MESD: variants seen among roughly 807,000 people sequenced by gnomAD.
MESD encodes the protein mesoderm development LRP chaperone, also known as LRP chaperone MESD.
A neutral mutation model predicts 12.9 loss-of-function variants in MESD; 7 were observed. That is an observed-to-expected ratio of 0.54 (90% CI 0.31 to 1.02). MESD has a LOEUF of 1.02. Ranked by LOEUF, MESD falls within the 50% of genes least tolerant of loss-of-function variation. The pLI is 0.05. For synonymous variants in MESD, 126 were observed against 115.6 expected, an observed-to-expected ratio of 1.09 and a Z score of -0.58; for missense variants, 342 against 296.7, an observed-to-expected ratio of 1.15 and a Z score of -1.12.
chr15:80,954,853 A>G (rs1251397452), intron 3 of MESD, among the ~76,000 whole-genome samples: 3 of 152,218 alleles, frequency 2.0e-5, no homozygotes, highest in African/African-American at 4.8e-5. Context: ...GCATTTTTTT[A>G]AAGCTCATCA....
intron 3 of MESD, among the ~76,000 whole-genome samples, chr15:80,964,302 C>CCA (rs1465165165): frequency 6.6e-6 from 1 of 152,138 alleles, no homozygotes; most frequent in Non-Finnish European, 1.5e-5. Flanking sequence ...GAACTACAAA[C>CCA]CACTGCTCAA....
At chr15:80,981,138 A>G (rs1268587719) in intron 2 of MESD, among the ~76,000 whole-genome samples, 1 of 151,730 alleles carries the variant, frequency 6.6e-6, no homozygotes, top group Non-Finnish European at 1.5e-5. Context: ...TCTTCTTTAC[A>G]TTAAAAAAAT....
At chr15:80,950,132 G>A (rs1901755619) in intron 4 of MESD, 1 of 152,260 alleles carries the variant, frequency 6.6e-6, no homozygotes, top group African/African-American at 2.4e-5. Context: ...TGAGCACAGG[G>A]GGCCTCCAGG....
chr15:80,961,161 A>C (rs73507429), intron 3 of MESD, among the ~76,000 whole-genome samples: 2,142 of 152,164 alleles, frequency 0.014, 51 homozygotes, highest in African/African-American at 0.049. Flanking sequence ...AACTTTATGC[A>C]CACAATTTGC....
chr15:80,974,828 G>A (rs1902370709), downstream of MESD, among the ~76,000 whole-genome samples: 1 of 149,262 alleles, frequency 6.7e-6, no homozygotes, highest in African/African-American at 2.5e-5. Context: ...GTAAAAAGGA[G>A]CTGAATGCTA....
chr15:80,953,407 A>G (rs1230977278), intron 3 of MESD, among the ~76,000 whole-genome samples: 2 of 152,188 alleles, frequency 1.3e-5, no homozygotes, highest in Admixed American at 6.5e-5. Context: ...AAGAAGCCAC[A>G]GAGAGGTTGG....
At chr15:80,951,639 A>C (rs1901835666) in intron 4 of MESD, 1 of 152,610 alleles carries the variant, frequency 6.6e-6, no homozygotes, top group Admixed American at 6.5e-5. Context: ...TCAGAGAAAT[A>C]AAGAATTGTC....
At chr15:80,949,436 G>T (rs924266876) in intron 4 of MESD, 4 of 202,448 alleles carry the variant, frequency 2.0e-5, no homozygotes, top group African/African-American at 6.9e-5. Flanking sequence ...TAGGAGCTGG[G>T]GTAGAACTGG....
intron 4 of MESD, chr15:80,950,987 C>T (rs1249823191): frequency 6.6e-6 from 1 of 152,664 alleles, no homozygotes; most frequent in East Asian, 1.9e-4. Context: ...TCTTTCCCAC[C>T]AAACATCTTT....
chr15:80,975,572 A>C (rs796678662), downstream of MESD, among the ~76,000 whole-genome samples: 4 of 152,062 alleles, frequency 2.6e-5, no homozygotes, highest in African/African-American at 9.6e-5. Context: ...AAAGTTTGTG[A>C]GTTCCTTTCC....
downstream of MESD, among the ~76,000 whole-genome samples, chr15:80,972,788 C>T (rs1349592430): frequency 1.3e-5 from 2 of 152,092 alleles, no homozygotes; most frequent in Non-Finnish European, 2.9e-5. Context: ...TTTGGGAGGC[C>T]GAGGTGGGTT....
At chr15:80,946,999 G>A (rs201324806), downstream of MESD, 19 of 1,613,890 alleles carry the variant, frequency 1.2e-5, no homozygotes, top group East Asian at 2.0e-4. Context: ...GGGAAGATAC[G>A]TCTCCAGAGG....
downstream of MESD, among the ~76,000 whole-genome samples, chr15:80,973,341 C>T (rs1183193089): frequency 6.6e-6 from 1 of 152,066 alleles, no homozygotes; most frequent in Non-Finnish European, 1.5e-5. Context: ...GATGAAACCT[C>T]GTCTCTCGAG....
intron 3 of MESD, among the ~76,000 whole-genome samples, chr15:80,969,508 A>G (rs1395019936): frequency 6.6e-6 from 1 of 151,982 alleles, no homozygotes; most frequent in South Asian, 2.1e-4. Flanking sequence ...CCCTCTCCCA[A>G]GCAGATTACA....
chr15:80,987,491 CT>C (rs11337726), intron 1 of MESD, among the ~76,000 whole-genome samples: 33,603 of 143,250 alleles, frequency 0.23, 3,971 homozygotes, highest in Middle Eastern at 0.36. Context: ...CAAAATCTGT[CT>C]TTTTTTTTTT....
chr15:80,953,767 T>C (rs1271047399), intron 3 of MESD, among the ~76,000 whole-genome samples: 2 of 152,058 alleles, frequency 1.3e-5, no homozygotes, highest in African/African-American at 4.8e-5. Flanking sequence ...GGTGAAGGCA[T>C]GGGCGTTCAC....
chr15:80,969,140 C>T (rs1438468563), intron 3 of MESD, among the ~76,000 whole-genome samples: 2 of 152,108 alleles, frequency 1.3e-5, no homozygotes, highest in African/African-American at 2.4e-5. Flanking sequence ...CAGTGAGCTG[C>T]CATCGTGCCA....
rs1281577525 is a variant in MESD at position 80,956,941 on chromosome 15, T to G, written c.*289-4645A>C. On this transcript the variant is annotated intron_variant, in intron 3 of 4. Transcript: ENST00000561312. ...CAAGGGATCCTCCTACCTCACCCCCTGAGTAGCTGGGACTACAGGCTCACG... is the reference window on the plus strand; with the variant it reads ...CAAGGGATCCTCCTACCTCACCCCCGGAGTAGCTGGGACTACAGGCTCACG... Among the ~76,000 whole-genome samples the G allele has an allele frequency of 2.6e-5, 4 of 152,084 alleles. No homozygotes were observed. In the East Asian group the frequency reaches 7.7e-4, roughly 29 times the overall value.
At chr15:80,955,903 T>A (rs995609656) in intron 3 of MESD, among the ~76,000 whole-genome samples, 11 of 152,120 alleles carry the variant, frequency 7.2e-5, no homozygotes, top group Non-Finnish European at 1.5e-4. Context: ...ATTACAGGTG[T>A]GAGCCACTGC....
Sources: gnomAD v4.1 joint callset for allele counts (sites outside exome capture counted in the v4.1 genomes callset) on GRCh38, gnomAD v4.1.1 for gene constraint, MANE v1.5 for transcripts, NCBI Gene and HGNC (gene_info 2026-07-23, HGNC 2026-07-21) for gene names.